SKIC3: variants seen among roughly 807,000 people sequenced by gnomAD.
SKIC3 encodes the protein superkiller complex protein 3.
chr5:95,545,046 T>A, the SKIC3 span, among the ~76,000 whole-genome samples: 1 of 152,230 alleles, frequency 6.6e-6, no homozygotes, highest in Non-Finnish European at 1.5e-5. Context: ...TGATTAGCTA[T>A]CCATTTGCAT....
At chr5:95,469,981 CTTT>C in the SKIC3 span, 68 of 1,275,164 alleles carry the variant, frequency 5.3e-5, no homozygotes, top group Admixed American at 1.3e-4. Flanking sequence ...CAATTCAATT[CTTT>C]TTTTTTTTTT....
At chr5:95,538,619 G>C in the SKIC3 span, among the ~76,000 whole-genome samples, 1 of 151,936 alleles carries the variant, frequency 6.6e-6, no homozygotes, top group African/African-American at 2.4e-5. Context: ...ACATTAAGTT[G>C]ACTTTTAAAG....
At chr5:95,469,989 T>C in the SKIC3 span, 2 of 1,534,890 alleles carry the variant, frequency 1.3e-6, no homozygotes, top group Non-Finnish European at 8.9e-7. Context: ...TTCTTTTTTT[T>C]TTTTTGAGAC....
At chr5:95,517,211 G>A in the SKIC3 span, 1 of 1,613,188 alleles carries the variant, frequency 6.2e-7, no homozygotes, top group Non-Finnish European at 8.5e-7. Context: ...GACCTAGAAG[G>A]ACTCCTAAAA....
chr5:95,513,396 A>G, the SKIC3 span: 1 of 651,682 alleles, frequency 1.5e-6, no homozygotes, highest in Non-Finnish European at 2.7e-6. Context: ...TTTAAGAGAC[A>G]GGGTCTTGCT....
the SKIC3 span, among the ~76,000 whole-genome samples, chr5:95,523,043 C>CA: frequency 6.6e-6 from 1 of 152,184 alleles, no homozygotes; most frequent in Non-Finnish European, 1.5e-5. Context: ...TCCATCTCTG[C>CA]AATTCCACTG....
At chr5:95,468,250 C>A in the SKIC3 span, among the ~76,000 whole-genome samples, 1 of 152,002 alleles carries the variant, frequency 6.6e-6, no homozygotes, top group Non-Finnish European at 1.5e-5. Context: ...AGTTATTATT[C>A]CTATATGGCA....
At chr5:95,498,494 C>T in the SKIC3 span, 2 of 1,614,190 alleles carry the variant, frequency 1.2e-6, no homozygotes, top group Non-Finnish European at 8.5e-7. Context: ...TTCAGTAACT[C>T]ATTAAGTGCT....
chr5:95,528,040 T>G, the SKIC3 span: 1 of 1,613,758 alleles, frequency 6.2e-7, no homozygotes, highest in Non-Finnish European at 8.5e-7. Context: ...TTGCTTCCTC[T>G]GAAGAGTCAT....
chr5:95,512,328 G>C, the SKIC3 span: 8 of 851,710 alleles, frequency 9.4e-6, no homozygotes, highest in African/African-American at 1.7e-5. Context: ...AGTTTACAAA[G>C]TAAAGACTGC....
the SKIC3 span, among the ~76,000 whole-genome samples, chr5:95,535,268 C>G: frequency 7.9e-5 from 12 of 151,186 alleles, no homozygotes; most frequent in African/African-American, 2.7e-4. Context: ...AGGCAAAGGG[C>G]ATCTGCTTCT....
chr5:95,495,154 A>G, the SKIC3 span: 2 of 747,982 alleles, frequency 2.7e-6, no homozygotes, highest in Non-Finnish European at 4.5e-6. Flanking sequence ...TAAACTTCTT[A>G]AAAGTATCAA....
chr5:95,494,632 T>C, the SKIC3 span: 1 of 1,565,646 alleles, frequency 6.4e-7, no homozygotes, highest in Non-Finnish European at 8.8e-7. Context: ...ACAAAATATG[T>C]ATTTAGAAAA....
At chr5:95,516,462 G>C in the SKIC3 span, 1 of 1,612,272 alleles carries the variant, frequency 6.2e-7, no homozygotes, top group Non-Finnish European at 8.5e-7. Context: ...CTAGTTGAAA[G>C]TCTCAGAAAA....
At chr5:95,495,220 T>C in the SKIC3 span, 2 of 558,970 alleles carry the variant, frequency 3.6e-6, no homozygotes, top group Non-Finnish European at 6.3e-6. Flanking sequence ...TCTTTTCTAC[T>C]GTGACCAACT....
chr5:95,517,390 A>C, the SKIC3 span: 1 of 1,540,742 alleles, frequency 6.5e-7, no homozygotes, highest in Admixed American at 1.9e-5. Context: ...CTCCCTGATT[A>C]TTACTTAAAA....
the SKIC3 span, chr5:95,464,397 C>T: frequency 2.0e-6 from 1 of 498,152 alleles, no homozygotes; most frequent in Non-Finnish European, 3.5e-6. Flanking sequence ...TTCTGGTTTT[C>T]CCAAATTAAA....
chr5:95,467,919 G>A, the SKIC3 span: 40 of 1,613,358 alleles, frequency 2.5e-5, no homozygotes, highest in Non-Finnish European at 3.3e-5. Flanking sequence ...AGGTACCAAC[G>A]TGCAGTTGAT....
At chr5:95,505,595 C>T in the SKIC3 span, among the ~76,000 whole-genome samples, 1 of 151,940 alleles carries the variant, frequency 6.6e-6, no homozygotes, top group Non-Finnish European at 1.5e-5. Context: ...GGGCGAATCA[C>T]GAGGTCAGGA....
Sources: gnomAD v4.1 joint callset for allele counts (sites outside exome capture counted in the v4.1 genomes callset) on GRCh38, gnomAD v4.1.1 for gene constraint, MANE v1.5 for transcripts, NCBI Gene and HGNC (gene_info 2026-07-23, HGNC 2026-07-21) for gene names.